The following MCF2L2 variants were observed in gnomAD, a reference collection of about 807,000 sequenced individuals.
MCF2L2 encodes probable guanine nucleotide exchange factor MCF2L2.
MCF2L2 carries 102 observed loss-of-function variants against 150.2 expected under a neutral mutation model. That is an observed-to-expected ratio of 0.68 (90% CI 0.58 to 0.80). MCF2L2 has a LOEUF of 0.80. Among genes scored for constraint, MCF2L2 ranks in the 30% least tolerant of loss-of-function variants. The pLI, the probability that MCF2L2 is intolerant of heterozygous loss-of-function variation, is 0.00. For synonymous variants in MCF2L2, 465 were observed against 491.3 expected, an observed-to-expected ratio of 0.95 and a Z score of 0.71; for missense variants, 1,256 against 1,372.8, an observed-to-expected ratio of 0.91 and a Z score of 1.34.
At position 183,367,454 on chromosome 3, in the gene MCF2L2, T is replaced by G. The variant is rs142824541; in HGVS notation, c.275+11843A>C. Among the ~76,000 whole-genome samples the G allele has an allele frequency of 3.9e-3, 595 of 152,196 alleles. 6 individuals carry two copies. Among genetic ancestry groups the G allele is most frequent in the African/African-American group, 0.013 (537 of 41,520 alleles). On this transcript the variant is annotated intron_variant, in intron 3 of 29. Transcript: ENST00000328913. The stretch of plus-strand genomic sequence containing the variant: ...CGTGTTGGCCAGGCTGGTCTCAAGT[T>G]CCTGACCTCAGGTGATCCACCCACC...
Position 183,270,874 on chromosome 3 carries a change from T to TAA in MCF2L2, c.1862+5996_1862+5997dup, listed in dbSNP as rs1449529450. 1.2e-6 allele frequency: 2 copies of TAA among 1,609,526 alleles called. No homozygotes were observed. Among genetic ancestry groups the TAA allele is most frequent in the East Asian group, 2.2e-5 (1 of 44,880 alleles). ...CAAATATACTGCAGATTAATGAAGATAATTCTCCTTTGTAAAATTAGCTAT... is the reference window on the plus strand; with the variant it reads ...CAAATATACTGCAGATTAATGAAGATAAAATTCTCCTTTGTAAAATTAGCTAT... On this transcript the variant is annotated intron_variant, in intron 15 of 29. Coordinates refer to ENST00000328913, the MANE Select transcript of MCF2L2 (RefSeq NM_015078.4). The surrounding 1 kb of genome is among the most constrained non-coding windows in gnomAD (Gnocchi z 4.5).
intron 5 of MCF2L2, among the ~76,000 whole-genome samples, chr3:183,337,946 A>C (rs1432679840): frequency 1.3e-5 from 2 of 152,150 alleles, no homozygotes; most frequent in Non-Finnish European, 2.9e-5. Context: ...TTATAGGTAA[A>C]ATTTTGAATG....
intron 2 of MCF2L2, among the ~76,000 whole-genome samples, chr3:183,385,526 A>G (rs1313214426): frequency 6.6e-6 from 1 of 152,238 alleles, no homozygotes; most frequent in East Asian, 1.9e-4. Context: ...TTCTTCATCA[A>G]TTATTTTCAA....
chr3:183,326,576 G>A (rs970315467), intron 5 of MCF2L2, among the ~76,000 whole-genome samples: 10 of 150,132 alleles, frequency 6.7e-5, no homozygotes, highest in Non-Finnish European at 7.4e-5. Context: ...ACAAGAAGTT[G>A]CAAAGATAAT....
intron 15 of MCF2L2, among the ~76,000 whole-genome samples, chr3:183,234,582 T>G (rs1723718261): frequency 6.6e-6 from 1 of 151,972 alleles, no homozygotes; most frequent in Non-Finnish European, 1.5e-5. Context: ...CAAATTAATA[T>G]ATGACTTAAA....
chr3:183,250,662 G>T (rs556628411), intron 15 of MCF2L2, among the ~76,000 whole-genome samples: 3 of 152,242 alleles, frequency 2.0e-5, no homozygotes, highest in South Asian at 4.1e-4. Flanking sequence ...CAAGGAGCAT[G>T]TGTGCGGAGA....
At chr3:183,271,214 A>G (rs915243279) in intron 15 of MCF2L2, 2 of 276,412 alleles carry the variant, frequency 7.2e-6, no homozygotes, top group African/African-American at 4.5e-5. Context: ...AATGCCACAT[A>G]TATACTTGAG....
At chr3:183,327,693 GC>G (rs1730108073) in intron 5 of MCF2L2, among the ~76,000 whole-genome samples, 1 of 152,240 alleles carries the variant, frequency 6.6e-6, no homozygotes, top group East Asian at 1.9e-4. Flanking sequence ...CTTTTAGAGA[GC>G]CTCTCCCTGT....
chr3:183,278,167 CAGTG>C (rs1727266847), intron 14 of MCF2L2, among the ~76,000 whole-genome samples: 1 of 150,850 alleles, frequency 6.6e-6, no homozygotes, highest in Non-Finnish European at 1.5e-5. Context: ...CTGGGCGACA[CAGTG>C]AGACCCTGTC....
chr3:183,408,600 G>T lies in MCF2L2; in HGVS notation c.77-18821C>A, dbSNP rs116647809. On this transcript the variant is annotated intron_variant, in intron 1 of 29. Transcript: ENST00000328913. ...GAAATATGGTTAGTCTTAAATTGGG[G>T]ATTAAAGAGGAGAAACAGGCAGAAG... 5.6e-3 allele frequency among the ~76,000 whole-genome samples: 850 copies of T among 152,278 alleles called. 4 individuals are homozygous for T. The highest frequency in any genetic ancestry group is 0.02 in the African/African-American group (812 of 41,552).
chr3:183,272,823 A>C, intron 15 of MCF2L2: 1 of 1,219,062 alleles, frequency 8.2e-7, no homozygotes, highest in Non-Finnish European at 1.0e-6. Flanking sequence ...TAAGGTTGCC[A>C]TTGGTTGAAA....
chr3:183,199,621 C>CTTTTTTTTTTTTTTTTTTTT (rs1163310933), intron 25 of MCF2L2, among the ~76,000 whole-genome samples: 1 of 141,608 alleles, frequency 7.1e-6, no homozygotes. Flanking sequence ...TTTTTTTTTC[C>CTTTTTTTTTTTTTTTTTTTT]TTTTTTTTTT....
rs115204724 is a variant in MCF2L2 at position 183,283,105 on chromosome 3, C to T, written c.1776+6015G>A. ...ATGCTTCCTCCCCCTACCTTCTCTG[C>T]CTTGATCCCCTCCTTCATTCTACAC... On this transcript the variant is annotated intron_variant, in intron 14 of 29. Transcript: ENST00000328913. The surrounding 1 kb of genome is among the most constrained non-coding windows in gnomAD (Gnocchi z 4.2). 2.4e-3 allele frequency among the ~76,000 whole-genome samples: 369 copies of T among 152,300 alleles called. No homozygotes were observed. The highest frequency in any genetic ancestry group is 8.3e-3 in the African/African-American group (345 of 41,558).
At chr3:183,406,257 C>T (rs1715033548) in intron 1 of MCF2L2, among the ~76,000 whole-genome samples, 1 of 152,110 alleles carries the variant, frequency 6.6e-6, no homozygotes, top group Non-Finnish European at 1.5e-5. Flanking sequence ...GTCTTGGTAT[C>T]GTCATTTTTT....
chr3:183,332,091 A>C (rs938794278), intron 5 of MCF2L2, among the ~76,000 whole-genome samples: 4 of 152,226 alleles, frequency 2.6e-5, no homozygotes, highest in African/African-American at 9.6e-5. Context: ...GAAGCTACAA[A>C]GTAAAGTGCT....
intron 3 of MCF2L2, among the ~76,000 whole-genome samples, chr3:183,344,228 T>A (rs1730815712): frequency 6.6e-6 from 1 of 151,984 alleles, no homozygotes; most frequent in African/African-American, 2.4e-5. Context: ...ATGAAATTAA[T>A]CCCAGGTAGA....
chr3:183,311,832 T>C, intron 7 of MCF2L2, 60 bp from the exon 8 acceptor site: 2 of 1,515,704 alleles, frequency 1.3e-6, no homozygotes, highest in Middle Eastern at 1.7e-4. Context: ...CTTGGTAGAA[T>C]TGAGGTGAAG....
chr3:183,342,318 TG>T (rs1730733052), intron 3 of MCF2L2, among the ~76,000 whole-genome samples: 1 of 152,138 alleles, frequency 6.6e-6, no homozygotes, highest in Non-Finnish European at 1.5e-5. Context: ...CTTTGGGGCC[TG>T]GTTCAAACGC....
chr3:183,307,557 C>T (rs16857287), intron 10 of MCF2L2, among the ~76,000 whole-genome samples: 2,680 of 152,282 alleles, frequency 0.018, 78 homozygotes, highest in South Asian at 0.09. Flanking sequence ...ATGTTGCCCA[C>T]GAAAGGTGGG....
Sources: allele counts gnomAD v4.1 joint callset (sites outside exome capture counted in the v4.1 genomes callset), GRCh38; gene constraint gnomAD v4.1.1; non-coding constraint Gnocchi (gnomAD v3.1); transcripts MANE v1.5; gene names NCBI Gene and HGNC (gene_info 2026-07-23, HGNC 2026-07-21).